Variants in C14orf93 observed in about 807,000 individuals in gnomAD.
C14orf93 encodes uncharacterized protein C14orf93.
In C14orf93, 23 loss-of-function variants were observed where a neutral mutation model predicts 44.0. The observed-to-expected ratio is 0.52, with a 90% CI of 0.38 to 0.74. C14orf93 has a LOEUF of 0.74. Ranked by LOEUF, C14orf93 falls within the 30% of genes least tolerant of loss-of-function variation. The pLI is 0.00. For synonymous variants in C14orf93, 253 were observed against 265.7 expected (o/e 0.95, Z 0.46); for missense variants, 579 against 678.9 (o/e 0.85, Z 1.64).
In C14orf93 at chr14:22,998,494, GT is replaced by G; in HGVS notation, c.529del (p.Thr177LeufsTer100). The G allele has an allele frequency of 1.9e-6, 3 of 1,611,640 alleles. No individual in the cohort carries two copies. The highest frequency in any genetic ancestry group is 2.5e-6 in the Non-Finnish European group (3 of 1,179,346). On this transcript the variant is annotated frameshift_variant, in exon 2 of 7. Transcript: ENST00000299088. LOFTEE classifies it high-confidence loss of function. ...CCCTGGGAGCCGCATGTCCCTCTGA[GT>G]TGCTGGGAAGCCCAAAGGCCCAGGC... ...VGPGPLGFPA[T>X]QRDMRLPGCT...
intron 3 of C14orf93, among the ~76,000 whole-genome samples, chr14:22,994,326 A>C (rs2045840248): frequency 1.3e-5 from 2 of 152,128 alleles, no homozygotes; most frequent in African/African-American, 4.8e-5. Context: ...CAGCGTGGCC[A>C]ACATGGTGAA....
In C14orf93 at chr14:22,986,216, C is replaced by A. The variant is rs1485890305; in HGVS notation, c.*999G>T. 6.6e-6 allele frequency: 1 copy of A among 152,252 alleles called. No individual in the cohort carries two copies. The highest frequency in any genetic ancestry group is 1.5e-5 in the Non-Finnish European group (1 of 68,074). 9.4% of individuals were successfully genotyped at this position (152,252 alleles called of 1,614,324 possible). On this transcript the variant is annotated 3_prime_UTR_variant, in exon 7 of 7. Coordinates refer to ENST00000299088, the MANE Select transcript of C14orf93 (RefSeq NM_021944.4). ...TCTCAGAAGAAGCCTTTCCAGACTG[C>A]AAGAGTAGGTTAGCTACCCCTGCTG...
chr14:22,995,446 G>A (rs1205187431), intron 3 of C14orf93, among the ~76,000 whole-genome samples: 3 of 152,134 alleles, frequency 2.0e-5, no homozygotes, highest in Admixed American at 1.3e-4. Context: ...TTGGGAGGCC[G>A]AGGCGGGTGG....
chr14:22,998,326 A>G, intron 2 of C14orf93, 101 bp downstream of exon 2: 1 of 1,404,022 alleles, frequency 7.1e-7, no homozygotes. Context: ...TCACAAATAC[A>G]AACAAAAGGT....
chr14:22,989,940 C>T, intron 4 of C14orf93, 95 bp from the exon 5 acceptor site: 1 of 1,442,574 alleles, frequency 6.9e-7, no homozygotes, highest in Non-Finnish European at 9.7e-7. Context: ...TGGCAAATCC[C>T]TCCACAGCCT....
chr14:22,998,534 C>A lies in C14orf93; in HGVS notation c.490G>T (p.Ala164Ser), dbSNP rs1281882267. The change falls in exon 2 of 7, where the codon GCA (alanine) becomes TCA (serine). Residue 164 changes from alanine to serine, a missense_variant. By Grantham distance (99) the Ala-to-Ser change is moderately conservative. Transcript: ENST00000299088. ...VVIEELRQLG[A>S]ASVGPGPLGF... ...AAAGGCCCAGGCCCCACTGAGGCTG[C>A]TCCCAGCTGCCGCAGCTCCTCAATC... The A allele has an allele frequency of 6.2e-7, 1 of 1,613,478 alleles. No homozygotes were observed. Among genetic ancestry groups the A allele is most frequent in the African/African-American group, 1.3e-5 (1 of 74,832 alleles).
intron 3 of C14orf93, among the ~76,000 whole-genome samples, chr14:22,993,132 G>A (rs987193636): frequency 1.3e-5 from 2 of 152,220 alleles, no homozygotes; most frequent in South Asian, 2.1e-4. Context: ...TGCCCGCCTT[G>A]GCCTCCCAGA....
At chr14:23,001,695 C>T (rs1180763277) in intron 1 of C14orf93, among the ~76,000 whole-genome samples, 4 of 151,736 alleles carry the variant, frequency 2.6e-5, no homozygotes, top group Non-Finnish European at 4.4e-5. Flanking sequence ...GAACTCCTGA[C>T]CTCAGGTGAT....
intron 1 of C14orf93, among the ~76,000 whole-genome samples, chr14:23,009,044 T>C (rs1001895134): frequency 1.3e-5 from 2 of 152,162 alleles, no homozygotes; most frequent in African/African-American, 4.8e-5. Flanking sequence ...GGCCAAAATA[T>C]ACACAGCTGT....
At chr14:22,989,693 A>G in intron 5 of C14orf93, 49 bp downstream of exon 5, 1 of 1,238,394 alleles carries the variant, frequency 8.1e-7, no homozygotes, top group South Asian at 1.2e-5. Context: ...GAGGAGTGGG[A>G]GGAGAGGGGG....
Position 22,989,848 on chromosome 14 carries a change from G to A in C14orf93, c.981-3C>T. On this transcript the variant is annotated splice_region_variant and splice_polypyrimidine_tract_variant and intron_variant, in intron 4 of 6. Coordinates refer to ENST00000299088, the MANE Select transcript of C14orf93 (RefSeq NM_021944.4). ...AAATATTCCAAGAGGACTTGATGCTGCCACAAAGAGAAGAGAATGAATAAA... is the reference window on the plus strand; with the variant it reads ...AAATATTCCAAGAGGACTTGATGCTACCACAAAGAGAAGAGAATGAATAAA... 1.2e-6 allele frequency: 2 copies of A among 1,610,834 alleles called. No individual in the cohort carries two copies. Among genetic ancestry groups the A allele is most frequent in the South Asian group, 1.1e-5 (1 of 90,840 alleles).
At chr14:23,001,839 TAAAAAAAAAAAAAAAAAA>T (rs780256403) in intron 1 of C14orf93, among the ~76,000 whole-genome samples, 1 of 59,552 alleles carries the variant, frequency 1.7e-5, no homozygotes, top group African/African-American at 7.4e-5. Context: ...TACTGCAGGT[TAAAAAAAAAAAAAAAAAA>T]AAAAAAAAAA....
intron 3 of C14orf93, among the ~76,000 whole-genome samples, chr14:22,994,338 C>A (rs904342627): frequency 6.6e-6 from 1 of 151,928 alleles, no homozygotes; most frequent in Admixed American, 6.6e-5. Flanking sequence ...CATGGTGAAA[C>A]CCCATCTCTA....
chr14:23,000,454 G>A (rs2046230773), intron 1 of C14orf93, among the ~76,000 whole-genome samples: 1 of 152,028 alleles, frequency 6.6e-6, no homozygotes, highest in Non-Finnish European at 1.5e-5. Flanking sequence ...GGTGGCTCAC[G>A]CTTGTAATCC....
Position 22,998,650 on chromosome 14 carries a change from C to T in C14orf93, c.374G>A (p.Gly125Glu), listed in dbSNP as rs1405600324. The T allele has an allele frequency of 6.2e-7, 1 of 1,613,976 alleles. No homozygotes were observed. The highest frequency in any genetic ancestry group is 8.5e-7 in the Non-Finnish European group (1 of 1,179,820). The change falls in exon 2 of 7, where the codon GGG becomes GAG. Residue 125 changes from glycine to glutamate, a missense_variant. Coordinates refer to ENST00000299088, the MANE Select transcript of C14orf93 (RefSeq NM_021944.4). Reference sequence around the variant, plus strand: ...TTCCCCGGGACTTTCCTTGAGAGGCCCAGGCTCCTCAGGTGGGGAACTATG... The same window carrying T: ...TTCCCCGGGACTTTCCTTGAGAGGCTCAGGCTCCTCAGGTGGGGAACTATG... ...RAHSSPPEEPGPLKESPGEAF... is the reference protein window; with the variant it reads ...RAHSSPPEEPEPLKESPGEAF...
chr14:23,001,923 C>A (rs1336050595), intron 1 of C14orf93, among the ~76,000 whole-genome samples: 1 of 143,604 alleles, frequency 7.0e-6, no homozygotes, highest in Non-Finnish European at 1.5e-5. Flanking sequence ...CCGAGGCCGG[C>A]GAATCACGAG....
intron 3 of C14orf93, among the ~76,000 whole-genome samples, chr14:22,991,947 A>C (rs986886974): frequency 6.6e-6 from 1 of 152,204 alleles, no homozygotes; most frequent in Admixed American, 6.5e-5. Flanking sequence ...GTATTTCTTC[A>C]TGTGTTACCA....
chr14:23,009,439 C>T (rs965834535), intron 1 of C14orf93, among the ~76,000 whole-genome samples: 1 of 152,130 alleles, frequency 6.6e-6, no homozygotes, highest in Non-Finnish European at 1.5e-5. Context: ...TGTACATATA[C>T]ACAAATAACC....
In C14orf93 at chr14:22,986,804, CAAGTAGTCACAGGG is replaced by C. The variant is rs2045248963; in HGVS notation, c.*397_*410del. 1 of 210,490 alleles carries C rather than the reference CAAGTAGTCACAGGG, an allele frequency of 4.8e-6. No homozygotes were observed. The allele number at this position is 210,490 out of a possible 1,614,324, so 13.0% of individuals were successfully genotyped here. A position where few individuals can be genotyped will look rare whatever the true frequency, so the allele number is the denominator to read the frequency against. On this transcript the variant is annotated 3_prime_UTR_variant, in exon 7 of 7. Coordinates refer to ENST00000299088, the MANE Select transcript of C14orf93 (RefSeq NM_021944.4). ...GTTCGGTTTCCACTGCAGAGCAAGA[CAAGTAGTCACAGGG>C]AAGCAAAAGGTACAACCTGGGCTGC... is the stretch of plus-strand genomic sequence containing the variant.
Sources: gnomAD v4.1 joint callset for allele counts (sites outside exome capture counted in the v4.1 genomes callset) on GRCh38, gnomAD v4.1.1 for gene constraint, MANE v1.5 for transcripts, NCBI Gene and HGNC (gene_info 2026-07-23, HGNC 2026-07-21) for gene names.